Variants in SHC2 observed in about 807,000 individuals in gnomAD.
SHC2 encodes the protein SHC-transforming protein 2.
SHC2 carries 62 observed loss-of-function variants against 60.6 expected under a neutral mutation model. That is an observed-to-expected ratio of 1.02 (90% CI 0.83 to 1.26). The LOEUF is 1.26. SHC2 is among the 50% of genes most tolerant of loss of function. SHC2 has a pLI of 0.00. For missense variants in SHC2, 873 were observed against 822.2 expected, an observed-to-expected ratio of 1.06 and a Z score of -0.76; for synonymous variants, 375 against 372.4, an observed-to-expected ratio of 1.01 and a Z score of -0.08.
intron 1 of SHC2, among the ~76,000 whole-genome samples, chr19:443,609 A>G (rs990556915): frequency 5.7e-4 from 35 of 60,940 alleles, no homozygotes; most frequent in South Asian, 1.3e-3. Context: ...TGGACGGGTG[A>G]GTGGATGGGT....
chr19:425,234 G>C lies in SHC2; in HGVS notation c.1175-3C>G. 7.5e-7 allele frequency: 1 copy of C among 1,329,808 alleles called. No individual in the cohort carries two copies. The highest frequency in any genetic ancestry group is 9.7e-7 in the Non-Finnish European group (1 of 1,030,840). The allele number at this position is 1,329,808 out of a possible 1,614,324, so 82.4% of individuals were successfully genotyped here. ...CACGTAGCCGTCCCCCGGTGGAGCT[G>C]GGGAGTGTAAAGAGGGGCAGGGGGT... On this transcript the variant is annotated splice_region_variant and splice_polypyrimidine_tract_variant and intron_variant, in intron 9 of 12. Transcript: ENST00000264554. The surrounding 1 kb of genome is among the most constrained non-coding windows in gnomAD (Gnocchi z 4.1).
chr19:439,112 G>T, intron 2 of SHC2, 82 bp from the exon 3 acceptor site: 1 of 499,824 alleles, frequency 2.0e-6, no homozygotes. Flanking sequence ...CAGAGAGGGC[G>T]GGGGTCTGGG....
intron 1 of SHC2, among the ~76,000 whole-genome samples, chr19:451,110 AT>A (rs746441336): frequency 8.2e-6 from 1 of 122,178 alleles, no homozygotes; most frequent in South Asian, 3.0e-4. Context: ...TGGCCATACC[AT>A]AGCCACATCA....
At chr19:429,679 G>A (rs1382163590) in intron 9 of SHC2, among the ~76,000 whole-genome samples, 10 of 131,180 alleles carry the variant, frequency 7.6e-5, no homozygotes, top group African/African-American at 1.5e-4. Flanking sequence ...TGTGGATGAC[G>A]CAGTACCTAT....
chr19:429,032 G>C (rs896661501), intron 9 of SHC2, among the ~76,000 whole-genome samples: 1 of 150,718 alleles, frequency 6.6e-6, no homozygotes, highest in Non-Finnish European at 1.5e-5. Context: ...CTAATACCGT[G>C]TGGATGACGC....
intron 7 of SHC2, 48 bp from the exon 8 acceptor site, chr19:434,913 G>A (rs1974682103): frequency 6.4e-7 from 1 of 1,572,242 alleles, no homozygotes; most frequent in Non-Finnish European, 8.6e-7. Context: ...GCCCAAGGGG[G>A]CTAAAGCCTT....
Position 434,723 on chromosome 19 carries a change from T to C in SHC2, c.1096A>G (p.Thr366Ala). 1 of 1,610,578 alleles carries C rather than the reference T, an allele frequency of 6.2e-7. No homozygotes were observed. The highest frequency in any genetic ancestry group is 8.5e-7 in the Non-Finnish European group (1 of 1,179,068). Residue 366 changes from threonine (T) to alanine (A), a missense_variant, in exon 8 of 13, where the codon ACG (threonine) becomes GCG (alanine). Coordinates refer to ENST00000264554, the MANE Select transcript of SHC2 (RefSeq NM_012435.3). ...CAGAGGCTGACCTGGTCGAGGGCCG[T>C]GAGGGCGCAGGGCTGTGTCAGGGCC... ...RLALTQPCAL[T>A]ALDQGPSPSL...
chr19:444,249 A>C (rs1007400981), intron 1 of SHC2, among the ~76,000 whole-genome samples: 23 of 152,084 alleles, frequency 1.5e-4, no homozygotes, highest in Admixed American at 6.5e-5. Flanking sequence ...ACCTAAAGGA[A>C]TTAGCCATGG....
intron 9 of SHC2, among the ~76,000 whole-genome samples, chr19:427,090 C>G (rs1273026521): frequency 3.3e-5 from 5 of 152,242 alleles, no homozygotes; most frequent in African/African-American, 1.2e-4. Context: ...GACCAGAGCA[C>G]AGCTGGGCAC....
In SHC2 at chr19:426,827, C is replaced by T; in HGVS notation, c.1175-1596G>A. On this transcript the variant is annotated intron_variant, in intron 9 of 12. Transcript: ENST00000264554. ...AGGACGACACCGAGAGGGGCAGAGT[C>T]CGGGGAGGGAGGACGACAGTGCGAG... is the stretch of plus-strand genomic sequence containing the variant. Among the ~76,000 whole-genome samples, 2 of 144,224 alleles carry T rather than the reference C, an allele frequency of 1.4e-5. 1 individual carries two copies. The highest frequency in any genetic ancestry group is 4.5e-4 in the South Asian group (2 of 4,450). 94.6% of individuals were successfully genotyped at this position (144,224 alleles called of 152,430 possible).
intron 1 of SHC2, among the ~76,000 whole-genome samples, chr19:444,253 G>A (rs1021434442): frequency 2.0e-5 from 3 of 152,112 alleles, no homozygotes; most frequent in Non-Finnish European, 4.4e-5. Flanking sequence ...AAAGGAATTA[G>A]CCATGGTCCC....
chr19:456,559 C>A (rs543784052), intron 1 of SHC2, among the ~76,000 whole-genome samples: 1 of 152,148 alleles, frequency 6.6e-6, no homozygotes, highest in East Asian at 1.9e-4. Context: ...CTGCGCCACC[C>A]CCTACTTAAA....
chr19:457,860 C>G (rs1461183366), intron 1 of SHC2, among the ~76,000 whole-genome samples: 1 of 152,238 alleles, frequency 6.6e-6, no homozygotes, highest in Non-Finnish European at 1.5e-5. Flanking sequence ...GACAAACCGC[C>G]GGGAGACGGC....
In SHC2 at chr19:438,663, G is replaced by A; in HGVS notation, c.720+55C>T. ...GCACCCCACCTGGCTTTGCCTCCTAGGACTCCTGGCCCCTCTGGGGGTCTG... is the reference window on the plus strand; with the variant it reads ...GCACCCCACCTGGCTTTGCCTCCTAAGACTCCTGGCCCCTCTGGGGGTCTG... On this transcript the variant is annotated intron_variant, in intron 4 of 12. Coordinates refer to ENST00000264554, the MANE Select transcript of SHC2 (RefSeq NM_012435.3). This position sits in a 1 kb window ranked among gnomAD's most constrained non-coding sequence, Gnocchi z 5.0. The A allele has an allele frequency of 6.5e-7, 1 of 1,534,022 alleles. No homozygotes were observed. The highest frequency in any genetic ancestry group is 1.2e-5 in the South Asian group (1 of 83,078).
intron 1 of SHC2, among the ~76,000 whole-genome samples, chr19:456,576 C>T (rs948162219): frequency 6.6e-6 from 1 of 152,166 alleles, no homozygotes; most frequent in Non-Finnish European, 1.5e-5. Flanking sequence ...TAAAACCACC[C>T]CCACTCCTCA....
intron 1 of SHC2, among the ~76,000 whole-genome samples, chr19:456,213 T>A (rs1390423158): frequency 1.3e-5 from 2 of 152,122 alleles, no homozygotes; most frequent in Non-Finnish European, 2.9e-5. Context: ...GCTTGGCTAT[T>A]CCCCTCCTTA....
intron 1 of SHC2, among the ~76,000 whole-genome samples, chr19:452,157 G>A (rs1034840803): frequency 2.6e-5 from 4 of 152,138 alleles, no homozygotes; most frequent in Non-Finnish European, 4.4e-5. Context: ...TGCGGTTGGG[G>A]CATCGTACTG....
rs556657916 is a variant in SHC2, at chr19:441,746, A to G, written c.469-814T>C. Among the ~76,000 whole-genome samples the G allele has an allele frequency of 6.6e-6, 1 of 152,404 alleles. No homozygotes were observed. The highest frequency in any genetic ancestry group is 2.4e-5 in the African/African-American group (1 of 41,604). On this transcript the variant is annotated intron_variant, in intron 1 of 12. Transcript: ENST00000264554. The surrounding 1 kb of genome is among the most constrained non-coding windows in gnomAD (Gnocchi z 4.9). Reference sequence around the variant, plus strand: ...GGAATTAGACAGAAGGGGTGGTGGCACGATATTATGAATGTACGAAATGCT... The same window carrying G: ...GGAATTAGACAGAAGGGGTGGTGGCGCGATATTATGAATGTACGAAATGCT...
rs1458453499 is a variant in SHC2, at chr19:442,138, C to G, written c.469-1206G>C. On this transcript the variant is annotated intron_variant, in intron 1 of 12. Transcript: ENST00000264554. ...CTTAAGCAGGGCATGGACTAAGCAG[C>G]CTCACCTCCTGTTGAATGGATGCAT... is the stretch of plus-strand genomic sequence containing the variant. Among the ~76,000 whole-genome samples, 3 of 152,124 alleles carry G rather than the reference C, an allele frequency of 2.0e-5. No individual in the cohort carries two copies. In the East Asian group the frequency reaches 5.8e-4, roughly 29 times the overall value.
Sources: allele counts gnomAD v4.1 joint callset (sites outside exome capture counted in the v4.1 genomes callset), GRCh38; gene constraint gnomAD v4.1.1; non-coding constraint Gnocchi (gnomAD v3.1); transcripts MANE v1.5; gene names NCBI Gene and HGNC (gene_info 2026-07-23, HGNC 2026-07-21).